The following PPP2R2B variants were observed in gnomAD, a reference collection of about 807,000 sequenced individuals.
PPP2R2B encodes the protein serine/threonine-protein phosphatase 2A 55 kDa regulatory subunit B beta isoform.
Under a neutral mutation model 46.0 loss-of-function variants are expected in PPP2R2B, and 5 were observed. The observed-to-expected ratio is 0.11, with a 90% CI of 0.06 to 0.23. The LOEUF (loss-of-function observed/expected upper bound fraction) is 0.23. Ranked by LOEUF, PPP2R2B falls within the 10% of genes least tolerant of loss-of-function variation. PPP2R2B has a pLI of 1.00. For synonymous variants in PPP2R2B, 215 were observed against 206.7 expected (o/e 1.04, Z -0.34); for missense variants, 367 against 575.0 (o/e 0.64, Z 3.70).
chr5:146,982,230 T>A (rs1753211771), intron 1 of PPP2R2B, among the ~76,000 whole-genome samples: 2 of 152,090 alleles, frequency 1.3e-5, no homozygotes, highest in African/African-American at 4.8e-5. Flanking sequence ...TTTTCATTTG[T>A]TGCCAGGTCC....
At chr5:147,005,373 C>T (rs946480642) in intron 1 of PPP2R2B, among the ~76,000 whole-genome samples, 12 of 152,178 alleles carry the variant, frequency 7.9e-5, no homozygotes, top group African/African-American at 2.9e-4. Context: ...GTGGCACTTA[C>T]CCGAGCTTTA....
chr5:146,761,317 T>G (rs576840162), intron 2 of PPP2R2B, among the ~76,000 whole-genome samples: 1 of 152,176 alleles, frequency 6.6e-6, no homozygotes. Flanking sequence ...ATATACACCA[T>G]GGAATACTAT....
chr5:147,032,820 C>A (rs576388276), intron 1 of PPP2R2B, among the ~76,000 whole-genome samples: 1 of 152,162 alleles, frequency 6.6e-6, no homozygotes, highest in African/African-American at 2.4e-5. Flanking sequence ...TATAAACGTG[C>A]GTGTGCAAGT....
rs1053706726 is a variant in PPP2R2B at position 146,858,404 on chromosome 5, A to G, written c.70+19598T>C. ...GTGTCAGGGACTGAACTAGCCATGT[A>G]CAAGTATTATCTCACTTAATCCTCA... is the stretch of plus-strand genomic sequence containing the variant. On this transcript the variant is annotated intron_variant, in intron 2 of 9. Transcript: ENST00000394411. Among the ~76,000 whole-genome samples the G allele has an allele frequency of 5.3e-5, 8 of 152,366 alleles. No homozygotes were observed. The South Asian group carries it at 1.2e-3, about 24-fold the overall frequency.
intron 1 of PPP2R2B, among the ~76,000 whole-genome samples, chr5:147,038,354 T>C (rs1334820226): frequency 2.0e-5 from 3 of 152,136 alleles, no homozygotes; most frequent in African/African-American, 4.8e-5. Context: ...GAATACTATA[T>C]AGTGTCCCCT....
intron 2 of PPP2R2B, among the ~76,000 whole-genome samples, chr5:146,877,265 C>T (rs1761949927): frequency 6.6e-6 from 1 of 152,136 alleles, no homozygotes; most frequent in Non-Finnish European, 1.5e-5. Context: ...GGAGAGACGA[C>T]AATTTCACCT....
chr5:146,694,526 G>C (rs910514635), intron 4 of PPP2R2B, among the ~76,000 whole-genome samples: 4 of 151,876 alleles, frequency 2.6e-5, no homozygotes, highest in Non-Finnish European at 5.9e-5. Flanking sequence ...AGAAATCATG[G>C]GTATAACATG....
At chr5:146,937,000 A>G (rs776144611) in intron 1 of PPP2R2B, among the ~76,000 whole-genome samples, 9 of 152,008 alleles carry the variant, frequency 5.9e-5, no homozygotes, top group Non-Finnish European at 1.3e-4. Flanking sequence ...AAAACAATTG[A>G]GATTTAAAAG....
chr5:146,887,529 G>C (rs913580986), intron 1 of PPP2R2B, among the ~76,000 whole-genome samples: 4 of 152,024 alleles, frequency 2.6e-5, no homozygotes, highest in African/African-American at 9.7e-5. Context: ...TAGTAATTTT[G>C]AATCCAATCT....
intron 8 of PPP2R2B, among the ~76,000 whole-genome samples, chr5:146,595,359 T>C (rs322474): frequency 0.7 from 107,024 of 152,076 alleles, 37,778 homozygotes; most frequent in South Asian, 0.74. Context: ...TCCATATGTC[T>C]GCTTTGTGAT....
chr5:146,640,996 T>C (rs1775171733), intron 6 of PPP2R2B, among the ~76,000 whole-genome samples: 1 of 152,142 alleles, frequency 6.6e-6, no homozygotes, highest in Non-Finnish European at 1.5e-5. Flanking sequence ...AGGGCTTGTT[T>C]AGTTTGACTC....
chr5:146,894,387 G>A (rs1213679652), intron 1 of PPP2R2B, among the ~76,000 whole-genome samples: 3 of 152,166 alleles, frequency 2.0e-5, no homozygotes, highest in African/African-American at 7.2e-5. Flanking sequence ...AAGGCTTGCA[G>A]AGCCTATTGT....
intron 1 of PPP2R2B, among the ~76,000 whole-genome samples, chr5:147,016,278 T>C (rs748097919): frequency 2.6e-5 from 4 of 151,146 alleles, no homozygotes; most frequent in Admixed American, 6.6e-5. Flanking sequence ...GCGGTTATAG[T>C]AAGCTATGAC....
intron 1 of PPP2R2B, among the ~76,000 whole-genome samples, chr5:146,895,014 T>C (rs746297116): frequency 4.6e-5 from 7 of 152,166 alleles, no homozygotes; most frequent in Non-Finnish European, 1.0e-4. Context: ...AAATAATGAA[T>C]AAATGAGTAA....
chr5:147,048,339 A>G (rs1316546038), intron 1 of PPP2R2B, among the ~76,000 whole-genome samples: 1 of 152,142 alleles, frequency 6.6e-6, no homozygotes, highest in Non-Finnish European at 1.5e-5. Flanking sequence ...GTGGTTTTCA[A>G]TAGGTTACTC....
chr5:146,811,353 C>A (rs560467344), intron 2 of PPP2R2B, among the ~76,000 whole-genome samples: 1 of 152,084 alleles, frequency 6.6e-6, no homozygotes. Flanking sequence ...CTCATCACTC[C>A]GCTGAAAGTG....
At chr5:146,609,770 T>C (rs1284925215) in intron 7 of PPP2R2B, among the ~76,000 whole-genome samples, 6 of 136,936 alleles carry the variant, frequency 4.4e-5, no homozygotes, top group Non-Finnish European at 7.7e-5. Flanking sequence ...CACCCGAATA[T>C]TGCGCTTTTC....
chr5:146,621,213 C>T lies in PPP2R2B; in HGVS notation c.790+17038G>A, dbSNP rs79988490. Among the ~76,000 whole-genome samples, 742 of 152,340 alleles carry T rather than the reference C, an allele frequency of 4.9e-3. 4 individuals are homozygous for T. Among genetic ancestry groups the T allele is most frequent in the African/African-American group, 0.017 (694 of 41,568 alleles). On this transcript the variant is annotated intron_variant, in intron 7 of 9. Coordinates refer to ENST00000394411, the MANE Select transcript of PPP2R2B (RefSeq NM_181675.4). ...TGGTTTTCTACAGGAAAACACTGCT[C>T]CTAATCCACTGATCCATTTCTTAAA...
At chr5:147,012,607 C>A (rs1207500985) in intron 1 of PPP2R2B, among the ~76,000 whole-genome samples, 1 of 151,840 alleles carries the variant, frequency 6.6e-6, no homozygotes, top group Admixed American at 6.6e-5. Flanking sequence ...TTAGTTATTT[C>A]TTGCCTTCTG....
Sources: allele counts gnomAD v4.1 joint callset (sites outside exome capture counted in the v4.1 genomes callset), GRCh38; gene constraint gnomAD v4.1.1; transcripts MANE v1.5; gene names NCBI Gene and HGNC (gene_info 2026-07-23, HGNC 2026-07-21).